Variants in ABCC4 observed in about 807,000 individuals in gnomAD.
ABCC4 encodes the protein ATP-binding cassette sub-family C member 4.
Under a neutral mutation model 168.5 loss-of-function variants are expected in ABCC4, and 102 were observed. The ratio of observed to expected loss-of-function variants is 0.61; its 90% CI spans 0.52 to 0.71. ABCC4 has a LOEUF of 0.71. Ranked by LOEUF, ABCC4 falls within the 30% of genes least tolerant of loss-of-function variation. The pLI, the probability that ABCC4 is intolerant of heterozygous loss-of-function variation, is 0.00. For missense variants in ABCC4, 1,402 were observed against 1,605.8 expected (o/e 0.87, Z 2.17); for synonymous variants, 617 against 590.7 (o/e 1.04, Z -0.65).
chr13:95,151,866 C>G (rs2036701233), intron 19 of ABCC4, among the ~76,000 whole-genome samples: 1 of 152,136 alleles, frequency 6.6e-6, no homozygotes, highest in Admixed American at 6.6e-5. Context: ...AAACTATGAT[C>G]CTAGCAGAAT....
intron 20 of ABCC4, among the ~76,000 whole-genome samples, chr13:95,110,986 A>AAAAAAAAAAAGAAAG (rs2035185614): frequency 1.3e-4 from 3 of 22,522 alleles, no homozygotes; most frequent in Non-Finnish European, 3.5e-4. Context: ...AAAAAGAAAG[A>AAAAAAAAAAAGAAAG]AAAAAAAAAA....
intron 22 of ABCC4, 72 bp downstream of exon 22, chr13:95,075,360 C>G: frequency 1.9e-6 from 3 of 1,598,348 alleles, no homozygotes; most frequent in African/African-American, 2.7e-5. Context: ...ACAAGCTCAT[C>G]TGACCAGGGA....
chr13:95,155,616 G>A (rs1729737), intron 19 of ABCC4, among the ~76,000 whole-genome samples: 62,340 of 151,916 alleles, frequency 0.41, 15,281 homozygotes, highest in African/African-American at 0.7. Flanking sequence ...TGAAGGCATC[G>A]ATGAACATAA....
At chr13:95,136,139 T>C (rs1323903729) in intron 19 of ABCC4, among the ~76,000 whole-genome samples, 1 of 152,118 alleles carries the variant, frequency 6.6e-6, no homozygotes, top group Non-Finnish European at 1.5e-5. Flanking sequence ...AAGGCTTTCA[T>C]TGTGGGGAAA....
At chr13:95,286,531 T>C (rs2138935174) in intron 1 of ABCC4, among the ~76,000 whole-genome samples, 1 of 152,240 alleles carries the variant, frequency 6.6e-6, no homozygotes, top group African/African-American at 2.4e-5. Context: ...GTGGCCTTTG[T>C]TTTTTTAATA....
intron 30 of ABCC4, among the ~76,000 whole-genome samples, chr13:95,030,751 C>T (rs541318426): frequency 1.1e-4 from 16 of 152,284 alleles, no homozygotes; most frequent in East Asian, 5.8e-4. Context: ...GACTCCAGCA[C>T]GGAAGTGTGA....
chr13:95,054,559 C>A (rs2698245), intron 26 of ABCC4, among the ~76,000 whole-genome samples: 2 of 148,450 alleles, frequency 1.3e-5, no homozygotes, highest in Non-Finnish European at 3.0e-5. Context: ...AAAAAAAAAA[C>A]AACAAAAAAA....
chr13:95,121,992 T>G (rs1192145114), intron 19 of ABCC4, among the ~76,000 whole-genome samples: 1 of 152,216 alleles, frequency 6.6e-6, no homozygotes, highest in African/African-American at 2.4e-5. Flanking sequence ...CTCAAGGTGA[T>G]GCAGTGTTTT....
intron 27 of ABCC4, among the ~76,000 whole-genome samples, chr13:95,046,794 C>T (rs1445086077): frequency 6.6e-6 from 1 of 151,724 alleles, no homozygotes; most frequent in Non-Finnish European, 1.5e-5. Flanking sequence ...ATGTGAAGGC[C>T]CTCTGTAGTG....
chr13:95,077,064 T>C (rs1314446081), intron 21 of ABCC4, among the ~76,000 whole-genome samples: 1 of 152,160 alleles, frequency 6.6e-6, no homozygotes, highest in East Asian at 1.9e-4. Context: ...TACCAGGACA[T>C]ACCTCCCTCC....
Position 95,234,626 on chromosome 13 carries a change from T to G in ABCC4, c.515A>C (p.His172Pro). ...GTCACTTACCTTCCGATAAATCATA[T>G]GGCACATGGCTACTCGTAACCTCAT... ...AGMRLRVAMC[H>P]MIYRKALRLS... Residue 172 changes from histidine to proline, a missense_variant, in exon 4 of 31, where the codon CAT becomes CCT. His to Pro is a moderately conservative substitution (Grantham distance 77). Coordinates refer to ENST00000645237, the MANE Select transcript of ABCC4 (RefSeq NM_005845.5). 1 of 1,613,810 alleles carries G rather than the reference T, an allele frequency of 6.2e-7. No individual in the cohort carries two copies. The highest frequency in any genetic ancestry group is 1.3e-5 in the African/African-American group (1 of 75,018).
At chr13:95,151,575 G>A (rs9743370) in intron 19 of ABCC4, among the ~76,000 whole-genome samples, 1 of 147,050 alleles carries the variant, frequency 6.8e-6, no homozygotes, top group Non-Finnish European at 1.5e-5. Flanking sequence ...GGAGAAGAAG[G>A]AGGAGGAGAA....
At chr13:95,287,201 G>A (rs950615215) in intron 1 of ABCC4, among the ~76,000 whole-genome samples, 2 of 152,026 alleles carry the variant, frequency 1.3e-5, no homozygotes, top group Non-Finnish European at 1.5e-5. Flanking sequence ...GGGAGGCTGA[G>A]GCATGAGAAT....
At chr13:95,175,184 C>T (rs2037627213) in intron 13 of ABCC4, among the ~76,000 whole-genome samples, 1 of 152,154 alleles carries the variant, frequency 6.6e-6, no homozygotes, top group Non-Finnish European at 1.5e-5. Flanking sequence ...CTCACACAGC[C>T]GACTCGCTAT....
intron 19 of ABCC4, among the ~76,000 whole-genome samples, chr13:95,116,844 AGT>A (rs555714524): frequency 6.6e-6 from 1 of 152,120 alleles, no homozygotes; most frequent in African/African-American, 2.4e-5. Context: ...ACCCCTGAGA[AGT>A]GTGTGTGTCT....
intron 19 of ABCC4, among the ~76,000 whole-genome samples, chr13:95,147,056 G>A (rs189369315): frequency 7.9e-5 from 12 of 152,218 alleles, no homozygotes; most frequent in Admixed American, 7.2e-4. Flanking sequence ...GAGAATCATC[G>A]CAGTTCAGAG....
intron 4 of ABCC4, among the ~76,000 whole-genome samples, chr13:95,217,449 CG>C (rs1428111064): frequency 6.6e-6 from 1 of 152,042 alleles, no homozygotes; most frequent in Non-Finnish European, 1.5e-5. Flanking sequence ...ACAGAAGATG[CG>C]GCTGGGCACG....
At chr13:95,226,869 G>A (rs9524847) in intron 4 of ABCC4, among the ~76,000 whole-genome samples, 11 of 152,282 alleles carry the variant, frequency 7.2e-5, no homozygotes, top group Non-Finnish European at 1.2e-4. Flanking sequence ...GATTAAACCC[G>A]CAACCCATAT....
chr13:95,128,607 C>A (rs1319103050), intron 19 of ABCC4, among the ~76,000 whole-genome samples: 1 of 152,162 alleles, frequency 6.6e-6, no homozygotes, highest in East Asian at 1.9e-4. Context: ...TTTATTCACT[C>A]TGAGCAGGGA....
Sources: allele counts gnomAD v4.1 joint callset (sites outside exome capture counted in the v4.1 genomes callset), GRCh38; gene constraint gnomAD v4.1.1; transcripts MANE v1.5; gene names NCBI Gene and HGNC (gene_info 2026-07-23, HGNC 2026-07-21).